Variants in ANO3 observed in about 807,000 individuals in gnomAD.
The protein encoded by ANO3 is anoctamin 3.
In ANO3, 99 loss-of-function variants were observed where a neutral mutation model predicts 144.8. The ratio of observed to expected loss-of-function variants is 0.68; its 90% CI spans 0.58 to 0.81. The LOEUF (loss-of-function observed/expected upper bound fraction) is 0.81. Ranked by LOEUF, ANO3 falls within the 30% of genes least tolerant of loss-of-function variation. The pLI is 0.00. For synonymous variants in ANO3, 414 were observed against 392.6 expected, an observed-to-expected ratio of 1.05 and a Z score of -0.64; for missense variants, 905 against 1,202.2, an observed-to-expected ratio of 0.75 and a Z score of 3.66.
chr11:26,599,593 G>A lies in ANO3; in HGVS notation c.1715G>A (p.Arg572His). 19 of 1,613,948 alleles carry A rather than the reference G, an allele frequency of 1.2e-5. No homozygotes were observed. The highest frequency in any genetic ancestry group is 1.6e-4 in the Middle Eastern group (1 of 6,084). Residue 572 changes from arginine to histidine, a missense_variant, in exon 17 of 27, where the codon CGC becomes CAC. Around this residue, in one of 4 missense-constraint regions of ANO3, gnomAD observed 597 missense variants for 865.1 expected, o/e 0.69. Transcript: ENST00000256737. ...GCAGTGTTTGGAGTTGTGGTGTACC[G>A]CCTGGTTGTCATGGAACAGTTTGCA... ...ITAVFGVVVY[R>H]LVVMEQFASF...
At chr11:26,192,640 G>A (rs999241430) in intron 1 of ANO3, among the ~76,000 whole-genome samples, 13 of 152,112 alleles carry the variant, frequency 8.5e-5, no homozygotes. Context: ...TAAATTCCGT[G>A]CATTAGAAGG....
intron 18 of ANO3, among the ~76,000 whole-genome samples, chr11:26,631,335 C>T (rs1479329216): frequency 6.6e-6 from 1 of 151,064 alleles, no homozygotes; most frequent in South Asian, 2.1e-4. Flanking sequence ...GTTTTTGTAG[C>T]TTCTTTGAAG....
intron 4 of ANO3, among the ~76,000 whole-genome samples, chr11:26,487,916 C>T (rs1267459981): frequency 6.6e-6 from 1 of 152,124 alleles, no homozygotes; most frequent in Non-Finnish European, 1.5e-5. Context: ...GCCTGTAATC[C>T]CAGTACTTTG....
intron 18 of ANO3, among the ~76,000 whole-genome samples, chr11:26,627,801 AATAAT>A (rs1852634682): frequency 6.9e-6 from 1 of 144,088 alleles, no homozygotes; most frequent in South Asian, 2.3e-4. Context: ...GTTTGATTAA[AATAAT>A]AGAATCTAGT....
intron 4 of ANO3, among the ~76,000 whole-genome samples, chr11:26,463,772 TG>T (rs773661013): frequency 3.3e-5 from 5 of 151,916 alleles, no homozygotes; most frequent in Non-Finnish European, 7.4e-5. Flanking sequence ...CTTCAAAGCA[TG>T]GGAGTGTTCC....
At chr11:26,509,879 C>T (rs1016273055) in intron 5 of ANO3, among the ~76,000 whole-genome samples, 1 of 152,000 alleles carries the variant, frequency 6.6e-6, no homozygotes, top group Non-Finnish European at 1.5e-5. Context: ...CGCCATGGCT[C>T]ACGCTTATAA....
At chr11:26,353,382 G>A (rs1855696559) in intron 1 of ANO3, among the ~76,000 whole-genome samples, 1 of 152,164 alleles carries the variant, frequency 6.6e-6, no homozygotes, top group African/African-American at 2.4e-5. Flanking sequence ...ACCTTATGCA[G>A]CTATTTCAAT....
chr11:26,656,708 A>C (rs1853700916), intron 26 of ANO3, among the ~76,000 whole-genome samples: 1 of 152,178 alleles, frequency 6.6e-6, no homozygotes, highest in Non-Finnish European at 1.5e-5. Flanking sequence ...GTTAATAAAA[A>C]AGCTACTGCA....
intron 1 of ANO3, among the ~76,000 whole-genome samples, chr11:26,262,860 T>C (rs1367346544): frequency 2.0e-5 from 3 of 152,134 alleles, no homozygotes; most frequent in Non-Finnish European, 2.9e-5. Context: ...ACATTGATCT[T>C]GGGCTTCTCA....
chr11:26,580,596 T>G (rs1391387110), intron 14 of ANO3, among the ~76,000 whole-genome samples: 1 of 152,200 alleles, frequency 6.6e-6, no homozygotes, highest in East Asian at 1.9e-4. Context: ...TTGTTTCAGG[T>G]GGGCCTTCTT....
In ANO3 at chr11:26,332,245, C is replaced by A; in HGVS notation, c.-31C>A. On this transcript the variant is annotated 5_prime_UTR_variant, in exon 1 of 27. Transcript: ENST00000256737. ...TCCTCCGCCTCCCTCTCGGGCAGCT[C>A]CCTAAGCCGGCTGGGACGCGCAGAG... The A allele has an allele frequency of 6.2e-7, 1 of 1,614,074 alleles. No individual in the cohort carries two copies. The highest frequency in any genetic ancestry group is 8.5e-7 in the Non-Finnish European group (1 of 1,180,016).
chr11:26,537,358 T>G, intron 9 of ANO3, 48 bp from the exon 10 acceptor site: 1 of 1,406,710 alleles, frequency 7.1e-7, no homozygotes, highest in Non-Finnish European at 1.0e-6. Context: ...TCAGAGGAAA[T>G]GTTTCATTGA....
At chr11:26,450,514 A>G (rs979345337) in intron 3 of ANO3, among the ~76,000 whole-genome samples, 4 of 152,204 alleles carry the variant, frequency 2.6e-5, no homozygotes, top group African/African-American at 7.2e-5. Flanking sequence ...TGGACCATTC[A>G]TGAATTTATT....
At chr11:26,627,850 TGTGTGC>T (rs1188177795) in intron 18 of ANO3, among the ~76,000 whole-genome samples, 241 of 144,886 alleles carry the variant, frequency 1.7e-3, no homozygotes, top group African/African-American at 2.4e-3. Context: ...TGTGTGTGTG[TGTGTGC>T]GCCTGACATT....
At chr11:26,651,502 A>G (rs535501055) in intron 24 of ANO3, among the ~76,000 whole-genome samples, 9 of 152,238 alleles carry the variant, frequency 5.9e-5, no homozygotes, top group African/African-American at 1.9e-4. Flanking sequence ...TAAAACAGGC[A>G]TTAAAGGGAT....
At chr11:26,193,842 G>T (rs74364973) in intron 1 of ANO3, among the ~76,000 whole-genome samples, 1 of 152,100 alleles carries the variant, frequency 6.6e-6, no homozygotes, top group South Asian at 2.1e-4. Context: ...GGTAATTCAG[G>T]ATTCCCATGT....
chr11:26,489,266 C>T (rs1565056881), intron 4 of ANO3, among the ~76,000 whole-genome samples: 1 of 152,102 alleles, frequency 6.6e-6, no homozygotes, highest in Non-Finnish European at 1.5e-5. Context: ...AAGCCTCAAG[C>T]CTTGGCAGCT....
chr11:26,627,854 T>TGTGTGTGTGTGTGC (rs1262119961), intron 18 of ANO3, among the ~76,000 whole-genome samples: 3 of 139,588 alleles, frequency 2.1e-5, no homozygotes, highest in Admixed American at 1.4e-4. Context: ...TGTGTGTGTG[T>TGTGTGTGTGTGTGC]GCGCCTGACA....
intron 14 of ANO3, among the ~76,000 whole-genome samples, chr11:26,590,052 G>C (rs1466691012): frequency 1.3e-5 from 2 of 152,060 alleles, no homozygotes; most frequent in African/African-American, 4.8e-5. Flanking sequence ...AAACCAACAG[G>C]GATAACATCT....
Sources: gnomAD v4.1 joint callset for allele counts (sites outside exome capture counted in the v4.1 genomes callset) on GRCh38, gnomAD v4.1.1 for gene constraint, gnomAD v4.1.1 regional missense constraint, MANE v1.5 for transcripts, NCBI Gene and HGNC (gene_info 2026-07-23, HGNC 2026-07-21) for gene names.